Variants in MAP3K3 observed in about 807,000 individuals in gnomAD.
MAP3K3 encodes mitogen-activated protein kinase kinase kinase 3.
MAP3K3 carries 12 observed loss-of-function variants against 80.9 expected under a neutral mutation model. The observed-to-expected ratio is 0.15, with a 90% CI of 0.10 to 0.24. The LOEUF (loss-of-function observed/expected upper bound fraction) is 0.24, where lower values mean the gene tolerates loss of function less well. MAP3K3 is among the 10% of genes least tolerant of loss of function. The pLI is 1.00. For synonymous variants in MAP3K3, 272 were observed against 307.1 expected (o/e 0.89, Z 1.19); for missense variants, 596 against 834.7 (o/e 0.71, Z 3.52).
At chr17:63,627,644 G>C (rs2034129512) in intron 1 of MAP3K3, among the ~76,000 whole-genome samples, 1 of 152,038 alleles carries the variant, frequency 6.6e-6, no homozygotes. Flanking sequence ...GTTTCACCAT[G>C]TTGGCCAGGC....
intron 2 of MAP3K3, among the ~76,000 whole-genome samples, chr17:63,642,110 G>T (rs1423627269): frequency 6.6e-6 from 1 of 152,192 alleles, no homozygotes; most frequent in African/African-American, 2.4e-5. Context: ...GAAGATTTGG[G>T]CATATCATGT....
At chr17:63,649,558 A>G (rs930455305) in intron 3 of MAP3K3, among the ~76,000 whole-genome samples, 1 of 152,150 alleles carries the variant, frequency 6.6e-6, no homozygotes, top group Non-Finnish European at 1.5e-5. Context: ...TGCCTGGGAC[A>G]ACAGGCACAC....
intron 5 of MAP3K3, among the ~76,000 whole-genome samples, chr17:63,658,820 C>T (rs913111249): frequency 1.3e-5 from 2 of 151,432 alleles, no homozygotes; most frequent in Non-Finnish European, 2.9e-5. Context: ...CTGCAGCCTC[C>T]GCCTCCTGGC....
rs550155653 is a variant in MAP3K3, at chr17:63,664,550, A to G, written c.382-2390A>G. Among the ~76,000 whole-genome samples the G allele has an allele frequency of 2.0e-5, 3 of 152,186 alleles. No homozygotes were observed. The South Asian group carries it at 6.2e-4, about 32-fold the overall frequency. On this transcript the variant is annotated intron_variant, in intron 5 of 15. Coordinates refer to ENST00000361733, the MANE Select transcript of MAP3K3 (RefSeq NM_002401.5). ...TTTTATTGAGATAATTTGTGGGTGG[A>G]CTTTTGTAACTTATTTTTCTACTGA... is the stretch of plus-strand genomic sequence containing the variant.
intron 5 of MAP3K3, among the ~76,000 whole-genome samples, chr17:63,663,371 G>A (rs570943535): frequency 1.3e-5 from 2 of 152,132 alleles, no homozygotes; most frequent in East Asian, 3.9e-4. Flanking sequence ...GCGTGGTGGC[G>A]CATGCCCGCA....
chr17:63,625,663 A>G (rs888059409), intron 1 of MAP3K3, among the ~76,000 whole-genome samples: 5 of 152,104 alleles, frequency 3.3e-5, no homozygotes, highest in Admixed American at 1.3e-4. Context: ...ACCTATGTAG[A>G]CTCTGAATAG....
At position 63,689,524 on chromosome 17, in the gene MAP3K3, T is replaced by C; in HGVS notation, c.872-20T>C. 6.2e-7 allele frequency: 1 copy of C among 1,605,974 alleles called. No homozygotes were observed. Among genetic ancestry groups the C allele is most frequent in the Non-Finnish European group, 8.5e-7 (1 of 1,175,502 alleles). On this transcript the variant is annotated intron_variant, in intron 10 of 15. Coordinates refer to ENST00000361733, the MANE Select transcript of MAP3K3 (RefSeq NM_002401.5). This position sits in a 1 kb window ranked among gnomAD's most constrained non-coding sequence, Gnocchi z 4.3. ...GCCTGGGGTGTGACTTGCTCTCCTC[T>C]GGCCCTTGCACCCTTTCAGGCAGAA...
rs778923849 is a variant in MAP3K3 at position 63,657,890 on chromosome 17, T to TCCCAGGACAGAAACCATGTAAGTA, written c.365_381+7dup. ...GAAAAGCCTTAGGATATTGCTGTTG[T>TCCCAGGACAGAAACCATGTAAGTA]CCCAGGACAGAAACCATGTAAGTAG... On this transcript the variant is annotated inframe_insertion, in exon 5 of 16. Transcript: ENST00000361733. 1.3e-6 allele frequency: 2 copies of TCCCAGGACAGAAACCATGTAAGTA among 1,596,348 alleles called. No individual in the cohort carries two copies. The highest frequency in any genetic ancestry group is 4.5e-5 in the East Asian group (2 of 44,600).
Position 63,652,571 on chromosome 17 carries a change from G to C in MAP3K3, c.182G>C (p.Ser61Thr). ...TTTCTTTTCAGAATTATAGCGTTCA[G>C]CCGGCCTGTGAAATATGAAGATGTG... ...HNGERRIIAF[S>T]RPVKYEDVEH... Residue 61 changes from serine to threonine, a missense_variant, in exon 4 of 16, where the codon AGC (serine) becomes ACC (threonine). Physicochemically the swap from Ser to Thr is moderately conservative, Grantham distance 58. Transcript: ENST00000361733. 1.2e-6 allele frequency: 2 copies of C among 1,613,418 alleles called. No individual in the cohort carries two copies. The highest frequency in any genetic ancestry group is 1.7e-6 in the Non-Finnish European group (2 of 1,179,392).
At chr17:63,646,119 G>GT in intron 3 of MAP3K3, 45 bp downstream of exon 3, 1 of 1,567,398 alleles carries the variant, frequency 6.4e-7, no homozygotes, top group Non-Finnish European at 8.8e-7. Flanking sequence ...GTATGCCAAA[G>GT]TTCTCAGATA....
At chr17:63,676,555 C>T (rs1219329625) in intron 6 of MAP3K3, among the ~76,000 whole-genome samples, 2 of 152,232 alleles carry the variant, frequency 1.3e-5, no homozygotes, top group African/African-American at 4.8e-5. Flanking sequence ...ATGTATAATA[C>T]AGCTCCAGAG....
At position 63,694,691 on chromosome 17, in the gene MAP3K3, G is replaced by C. The variant is rs746227242; in HGVS notation, c.*914G>C. 2 of 152,616 alleles carry C rather than the reference G, an allele frequency of 1.3e-5. No individual in the cohort carries two copies. The highest frequency in any genetic ancestry group is 2.9e-5 in the Non-Finnish European group (2 of 68,122). The allele number at this position is 152,616 out of a possible 1,614,324, so 9.5% of individuals were successfully genotyped here. ...AGAAGGGGAGATGGACGACACGGTC[G>C]GGGCATCTGGCCTGGCCAGTGCCCT... is the stretch of plus-strand genomic sequence containing the variant. On this transcript the variant is annotated 3_prime_UTR_variant, in exon 16 of 16. Transcript: ENST00000361733.
At position 63,691,875 on chromosome 17, in the gene MAP3K3, A is replaced by C. The variant is rs745437961; in HGVS notation, c.1474+13A>C. 1 of 1,613,090 alleles carries C rather than the reference A, an allele frequency of 6.2e-7. No homozygotes were observed. The highest frequency in any genetic ancestry group is 2.2e-5 in the East Asian group (1 of 44,852). On this transcript the variant is annotated intron_variant, in intron 14 of 15. Transcript: ENST00000361733. The surrounding 1 kb of genome is among the most constrained non-coding windows in gnomAD (Gnocchi z 4.8). ...CGGGACATTAAGGGTGAGCAGGGCCAGGATACATGGAGTCCCCAGGACCTG... is the reference window on the plus strand; with the variant it reads ...CGGGACATTAAGGGTGAGCAGGGCCCGGATACATGGAGTCCCCAGGACCTG...
chr17:63,658,240 T>G (rs1161111770), intron 5 of MAP3K3, among the ~76,000 whole-genome samples: 1 of 152,250 alleles, frequency 6.6e-6, no homozygotes, highest in Non-Finnish European at 1.5e-5. Flanking sequence ...ATTTGATTCG[T>G]TTGGCAGTGC....
rs962145678 is a variant in MAP3K3 at position 63,689,486 on chromosome 17, G to A, written c.872-58G>A. On this transcript the variant is annotated intron_variant, in intron 10 of 15. Coordinates refer to ENST00000361733, the MANE Select transcript of MAP3K3 (RefSeq NM_002401.5). The surrounding 1 kb of genome is among the most constrained non-coding windows in gnomAD (Gnocchi z 4.3). ...GGGGTGTCTCAGACCTGGTTTGTAC[G>A]TTCCGCCTCGTAGCCTGGGGTGTGA... 1.3e-5 allele frequency: 19 copies of A among 1,499,522 alleles called. No homozygotes were observed. The highest frequency in any genetic ancestry group is 1.1e-4 in the African/African-American group (8 of 72,518). The allele number at this position is 1,499,522 out of a possible 1,614,324, so 92.9% of individuals were successfully genotyped here.
chr17:63,637,202 A>G (rs2034347289), intron 2 of MAP3K3: 2 of 251,204 alleles, frequency 8.0e-6, no homozygotes, highest in South Asian at 9.3e-5. Context: ...CAAAAAAAAA[A>G]AAAAAAAAAG....
chr17:63,653,180 A>G (rs1185042369), intron 4 of MAP3K3, among the ~76,000 whole-genome samples: 1 of 152,096 alleles, frequency 6.6e-6, no homozygotes, highest in African/African-American at 2.4e-5. Context: ...CTCCACCCCA[A>G]CGGTCCTTAT....
intron 3 of MAP3K3, among the ~76,000 whole-genome samples, chr17:63,648,330 T>A (rs1568130438): frequency 6.6e-6 from 1 of 152,224 alleles, no homozygotes; most frequent in Non-Finnish European, 1.5e-5. Flanking sequence ...AGTGGACTTC[T>A]GGTATTTTAT....
chr17:63,649,198 A>G (rs969037863), intron 3 of MAP3K3, among the ~76,000 whole-genome samples: 1 of 152,088 alleles, frequency 6.6e-6, no homozygotes, highest in Non-Finnish European at 1.5e-5. Flanking sequence ...GCACTTTGGG[A>G]GGCTGAGGCA....
Sources: gnomAD v4.1 joint callset for allele counts (sites outside exome capture counted in the v4.1 genomes callset) on GRCh38, gnomAD v4.1.1 for gene constraint, Gnocchi (gnomAD v3.1) non-coding constraint, MANE v1.5 for transcripts, NCBI Gene and HGNC (gene_info 2026-07-23, HGNC 2026-07-21) for gene names.